Variants in KCTD16 observed in about 807,000 individuals in gnomAD.
The protein encoded by KCTD16 is BTB/POZ domain-containing protein KCTD16.
A neutral mutation model predicts 33.2 loss-of-function variants in KCTD16; 13 were observed. The ratio of observed to expected loss-of-function variants is 0.39; its 90% CI spans 0.25 to 0.62. The LOEUF is 0.62. KCTD16 is among the 20% of genes least tolerant of loss of function. The pLI is 0.50. For synonymous variants in KCTD16, 197 were observed against 195.3 expected (o/e 1.01, Z -0.07); for missense variants, 441 against 525.1 (o/e 0.84, Z 1.57).
At chr5:144,262,238 C>T (rs1203573827) in intron 3 of KCTD16, among the ~76,000 whole-genome samples, 1 of 152,078 alleles carries the variant, frequency 6.6e-6, no homozygotes, top group Non-Finnish European at 1.5e-5. Flanking sequence ...GAAGAATGCT[C>T]CAGGCAGAGG....
intron 3 of KCTD16, among the ~76,000 whole-genome samples, chr5:144,233,646 ACAT>A (rs1233854332): frequency 6.6e-6 from 1 of 152,148 alleles, no homozygotes; most frequent in Non-Finnish European, 1.5e-5. Flanking sequence ...CTGTGCTATT[ACAT>A]TATTTGCACT....
intron 3 of KCTD16, among the ~76,000 whole-genome samples, chr5:144,257,777 G>A (rs1001773719): frequency 2.6e-5 from 4 of 152,112 alleles, no homozygotes; most frequent in Admixed American, 6.5e-5. Flanking sequence ...GTGAGCCACC[G>A]TGCCTGGCCT....
chr5:144,314,551 G>C (rs1751855088), intron 3 of KCTD16, among the ~76,000 whole-genome samples: 1 of 152,184 alleles, frequency 6.6e-6, no homozygotes. Flanking sequence ...AGTGTCCTGT[G>C]TCCAGACCTC....
chr5:144,229,673 G>C (rs1345357084), intron 3 of KCTD16, among the ~76,000 whole-genome samples: 2 of 152,178 alleles, frequency 1.3e-5, no homozygotes, highest in African/African-American at 4.8e-5. Context: ...TTTGAATCTG[G>C]TTTGTAAGAT....
chr5:144,453,670 C>G (rs1039777587), intron 3 of KCTD16, among the ~76,000 whole-genome samples: 1 of 152,042 alleles, frequency 6.6e-6, no homozygotes, highest in Non-Finnish European at 1.5e-5. Context: ...CACTAATTAA[C>G]TATTCAGCAT....
Position 144,449,553 on chromosome 5 carries a change from TATAA to T in KCTD16, c.833-24097_833-24094del, listed in dbSNP as rs1753895824. ...CTGAATCTAAAATAAAAGTTGAAAT[TATAA>T]ATAAATAAAAAACTTTATGGAAAAC... On this transcript the variant is annotated intron_variant, in intron 3 of 3. Transcript: ENST00000512467. Among the ~76,000 whole-genome samples, 19 of 152,006 alleles carry T rather than the reference TATAA, an allele frequency of 1.2e-4. No individual in the cohort carries two copies. In the South Asian group the frequency reaches 3.7e-3, roughly 30 times the overall value.
intron 2 of KCTD16, among the ~76,000 whole-genome samples, chr5:144,189,289 G>A (rs879520806): frequency 1.3e-5 from 2 of 152,036 alleles, no homozygotes; most frequent in African/African-American, 4.8e-5. Flanking sequence ...TCAGGAGATT[G>A]AGACCATCCT....
intron 3 of KCTD16, among the ~76,000 whole-genome samples, chr5:144,368,421 G>GAC (rs1751888043): frequency 6.6e-6 from 1 of 152,148 alleles, no homozygotes; most frequent in African/African-American, 2.4e-5. Context: ...GATGGAGAGA[G>GAC]ACATGGGAAA....
At position 144,206,628 on chromosome 5, in the gene KCTD16, T is replaced by C. The variant is rs1753179948; in HGVS notation, c.-87T>C. 8.7e-7 allele frequency: 1 copy of C among 1,153,664 alleles called. No homozygotes were observed. Among genetic ancestry groups the C allele is most frequent in the African/African-American group, 1.5e-5 (1 of 64,706 alleles). 71.5% of individuals were successfully genotyped at this position (1,153,664 alleles called of 1,614,324 possible). ...TTAATAAGTTAGCATCCTTTTCCCT[T>C]TCTTACAAGTTGATCCAAAGGATAA... On this transcript the variant is annotated 5_prime_UTR_variant, in exon 3 of 4. Coordinates refer to ENST00000512467, the MANE Select transcript of KCTD16 (RefSeq NM_020768.4).
At chr5:144,208,253 A>G (rs1753253464) in intron 3 of KCTD16, among the ~76,000 whole-genome samples, 1 of 152,230 alleles carries the variant, frequency 6.6e-6, no homozygotes, top group South Asian at 2.1e-4. Context: ...ACACCTTCAG[A>G]CAGCTGAGGT....
At chr5:144,271,395 G>C (rs528331242) in intron 3 of KCTD16, among the ~76,000 whole-genome samples, 11 of 151,636 alleles carry the variant, frequency 7.3e-5, no homozygotes, top group Non-Finnish European at 1.3e-4. Flanking sequence ...TAGAATGAAG[G>C]AAAAAAGCAC....
Position 144,431,542 on chromosome 5 carries a change from G to A in KCTD16, c.833-42118G>A, listed in dbSNP as rs188133893. 1.3e-3 allele frequency among the ~76,000 whole-genome samples: 191 copies of A among 152,214 alleles called. 1 individual carries two copies. Among genetic ancestry groups the A allele is most frequent in the South Asian group, 0.011 (53 of 4,828 alleles). On this transcript the variant is annotated intron_variant, in intron 3 of 3. Coordinates refer to ENST00000512467, the MANE Select transcript of KCTD16 (RefSeq NM_020768.4). ...ATGAGTGGCCCTTAAGTCTTAGAGT[G>A]CACACAAATTGCCTGGAATGTGTTT...
At chr5:144,350,224 A>G (rs898473026) in intron 3 of KCTD16, among the ~76,000 whole-genome samples, 1 of 152,132 alleles carries the variant, frequency 6.6e-6, no homozygotes, top group Non-Finnish European at 1.5e-5. Flanking sequence ...TAGTTACCCT[A>G]CATTCTCATG....
intron 3 of KCTD16, among the ~76,000 whole-genome samples, chr5:144,444,849 A>G (rs1373269449): frequency 6.6e-6 from 1 of 150,466 alleles, no homozygotes; most frequent in Non-Finnish European, 1.5e-5. Context: ...TAATATATAT[A>G]TATATATGTG....
intron 3 of KCTD16, among the ~76,000 whole-genome samples, chr5:144,331,795 A>G (rs1752365134): frequency 6.6e-6 from 1 of 152,214 alleles, no homozygotes. Context: ...GATGCACTGA[A>G]TGTGATTATC....
intron 3 of KCTD16, among the ~76,000 whole-genome samples, chr5:144,224,767 T>C (rs889849443): frequency 6.6e-6 from 1 of 152,152 alleles, no homozygotes; most frequent in Non-Finnish European, 1.5e-5. Context: ...ATATTTACAT[T>C]CTGTGATGTT....
intron 3 of KCTD16, among the ~76,000 whole-genome samples, chr5:144,286,603 G>C (rs1755752549): frequency 6.6e-6 from 1 of 152,190 alleles, no homozygotes; most frequent in African/African-American, 2.4e-5. Context: ...ATGGGGGCTG[G>C]TGCTGGAGAA....
At chr5:144,422,485 A>G (rs1436539498) in intron 3 of KCTD16, among the ~76,000 whole-genome samples, 2 of 152,150 alleles carry the variant, frequency 1.3e-5, no homozygotes, top group African/African-American at 4.8e-5. Context: ...AGCAAGTGCT[A>G]TTTATTCTTA....
At chr5:144,190,936 C>A (rs1434598124) in intron 2 of KCTD16, among the ~76,000 whole-genome samples, 2 of 152,176 alleles carry the variant, frequency 1.3e-5, no homozygotes, top group African/African-American at 4.8e-5. Context: ...GACACACACA[C>A]ACCACAACAC....
Sources: gnomAD v4.1 joint callset for allele counts (sites outside exome capture counted in the v4.1 genomes callset) on GRCh38, gnomAD v4.1.1 for gene constraint, MANE v1.5 for transcripts, NCBI Gene and HGNC (gene_info 2026-07-23, HGNC 2026-07-21) for gene names.